Variants in FABP12 observed in about 807,000 individuals in gnomAD.
FABP12 encodes fatty acid-binding protein 12.
In FABP12, 19 loss-of-function variants were observed where a neutral mutation model predicts 13.7. The ratio of observed to expected loss-of-function variants is 1.39; its 90% CI spans 0.97 to 2.04. FABP12 has a LOEUF of 2.04. FABP12 is among the 30% of genes most tolerant of loss of function. FABP12 has a pLI of 0.00. For missense variants in FABP12, 182 were observed against 164.2 expected, an observed-to-expected ratio of 1.11 and a Z score of -0.59; for synonymous variants, 61 against 57.0, an observed-to-expected ratio of 1.07 and a Z score of -0.32.
intron 1 of FABP12, among the ~76,000 whole-genome samples, chr8:81,556,787 CAT>C (rs774655098): frequency 1.4e-5 from 2 of 144,930 alleles, no homozygotes; most frequent in South Asian, 4.3e-4. Flanking sequence ...TTATTTTATA[CAT>C]ATATATATGG....
At chr8:81,537,665 C>G (rs188583496), upstream of FABP12, among the ~76,000 whole-genome samples, 2 of 152,280 alleles carry the variant, frequency 1.3e-5, no homozygotes, top group East Asian at 3.9e-4. Context: ...ACTGGGTCAT[C>G]TCTTAGTATT....
intron 1 of FABP12, among the ~76,000 whole-genome samples, chr8:81,566,658 C>A (rs190952240): frequency 6.6e-6 from 1 of 152,004 alleles, no homozygotes; most frequent in East Asian, 1.9e-4. Context: ...TGGAAAATAT[C>A]TCAACACACT....
rs535737231 is a variant in FABP12 at position 81,527,120 on chromosome 8, C to G, written c.248G>C (p.Ser83Thr). ...GGACTCCTTATCTAAGGTTACTTTA[C>G]TCTGAAAAACAGAAAAAACTAAATT... The change falls in exon 4 of 5, where the codon AGT becomes ACT. Residue 83 changes from serine (S) to threonine (T), a missense_variant and splice_region_variant. By Grantham distance (58) the Ser-to-Thr change is moderately conservative. Coordinates refer to ENST00000360464, the Ensembl canonical transcript of FABP12. 1.9e-6 allele frequency: 3 copies of G among 1,576,460 alleles called. No homozygotes were observed. In the African/African-American group the frequency reaches 4.1e-5, roughly 21 times the overall value.
intron 2 of FABP12, 93 bp from the exon 3 acceptor site, chr8:81,529,703 C>CA (rs1212696342): frequency 8.9e-7 from 1 of 1,128,858 alleles, no homozygotes; most frequent in African/African-American, 1.6e-5. Context: ...TTGTTGACTC[C>CA]AAAAACTCAA....
chr8:81,567,433 A>C (rs1044523847), intron 1 of FABP12, among the ~76,000 whole-genome samples: 8 of 152,230 alleles, frequency 5.3e-5, no homozygotes, highest in Non-Finnish European at 1.2e-4. Context: ...TGGTAACCAA[A>C]ACAGATGGCA....
chr8:81,530,742 G>A (rs1287266006), intron 2 of FABP12, among the ~76,000 whole-genome samples: 1 of 152,150 alleles, frequency 6.6e-6, no homozygotes, highest in Non-Finnish European at 1.5e-5. Context: ...GATTATCAGA[G>A]CAGATCTCAA....
intron 4 of FABP12, chr8:81,526,099 T>C (rs933714193): frequency 6.6e-6 from 1 of 152,212 alleles, no homozygotes; most frequent in Non-Finnish European, 1.5e-5. Flanking sequence ...TCATCCTTAG[T>C]CTTCCCCTTG....
chr8:81,574,106 T>A (rs1316657837), intron 1 of FABP12, among the ~76,000 whole-genome samples: 2 of 152,322 alleles, frequency 1.3e-5, no homozygotes, highest in East Asian at 3.9e-4. Context: ...AGATGGCTTT[T>A]ATTACATTGA....
At position 81,528,227 on chromosome 8, in the gene FABP12, G is replaced by A. The variant is rs527848769; in HGVS notation, c.247-1106C>T. Among the ~76,000 whole-genome samples, 30 of 152,010 alleles carry A rather than the reference G, an allele frequency of 2.0e-4. 3 individuals are homozygous for A. The highest frequency in any genetic ancestry group is 5.8e-4 in the East Asian group (3 of 5,158). On this transcript the variant is annotated intron_variant, in intron 3 of 4. Transcript: ENST00000360464. Reference sequence around the variant, plus strand: ...CCTGAGTAGCTGGAACTATAGGCACGCACCACCACAGTGGCTAATCTTTGT... The same window carrying A: ...CCTGAGTAGCTGGAACTATAGGCACACACCACCACAGTGGCTAATCTTTGT...
intron 1 of FABP12, among the ~76,000 whole-genome samples, chr8:81,553,171 T>C (rs1312353040): frequency 6.6e-6 from 1 of 152,216 alleles, no homozygotes; most frequent in Non-Finnish European, 1.5e-5. Context: ...AAGGGATTTC[T>C]CTCTTTCTCC....
chr8:81,556,989 C>T (rs1809632050), intron 1 of FABP12, among the ~76,000 whole-genome samples: 1 of 150,648 alleles, frequency 6.6e-6, no homozygotes, highest in Non-Finnish European at 1.5e-5. Flanking sequence ...ATTCTCCTGC[C>T]TCAGCCTCTT....
chr8:81,554,221 G>A (rs1054564876), intron 1 of FABP12, among the ~76,000 whole-genome samples: 1 of 152,122 alleles, frequency 6.6e-6, no homozygotes, highest in Admixed American at 6.5e-5. Context: ...GGAGTGTTGG[G>A]TTATACAAAC....
At chr8:81,545,707 GA>G (rs769301294) in intron 1 of FABP12, among the ~76,000 whole-genome samples, 111 of 152,152 alleles carry the variant, frequency 7.3e-4, no homozygotes, top group African/African-American at 2.0e-3. Context: ...TAATTACTTC[GA>G]AAACTGGTTT....
At chr8:81,578,011 G>T (rs1358642801) in intron 1 of FABP12, among the ~76,000 whole-genome samples, 1 of 152,168 alleles carries the variant, frequency 6.6e-6, no homozygotes, top group Non-Finnish European at 1.5e-5. Context: ...ATAGACCCAT[G>T]GAAGGTTGAT....
At chr8:81,562,804 T>C (rs975561718) in intron 1 of FABP12, among the ~76,000 whole-genome samples, 3 of 152,206 alleles carry the variant, frequency 2.0e-5, no homozygotes, top group African/African-American at 7.2e-5. Flanking sequence ...AGGCCCTGGA[T>C]TCTAGATGGC....
chr8:81,577,215 A>T (rs1359718699), intron 1 of FABP12, among the ~76,000 whole-genome samples: 1 of 152,232 alleles, frequency 6.6e-6, no homozygotes, highest in African/African-American at 2.4e-5. Context: ...TACCTGTGGC[A>T]CACAGCACAC....
chr8:81,570,406 G>C (rs1233620354), intron 1 of FABP12, among the ~76,000 whole-genome samples: 1 of 152,236 alleles, frequency 6.6e-6, no homozygotes, highest in Non-Finnish European at 1.5e-5. Flanking sequence ...ATGCAGACAC[G>C]TGAAGGGTGA....
At chr8:81,547,755 A>C (rs966858624) in intron 1 of FABP12, among the ~76,000 whole-genome samples, 2 of 152,240 alleles carry the variant, frequency 1.3e-5, no homozygotes, top group African/African-American at 4.8e-5. Flanking sequence ...CCAGTGTCAG[A>C]AATAGGATGA....
intron 1 of FABP12, among the ~76,000 whole-genome samples, chr8:81,544,793 A>G (rs1041246821): frequency 2.0e-5 from 3 of 152,224 alleles, no homozygotes. Context: ...GAAGTATGTA[A>G]TCAAAATAAC....
Sources: allele counts gnomAD v4.1 joint callset (sites outside exome capture counted in the v4.1 genomes callset), GRCh38; gene constraint gnomAD v4.1.1; transcripts MANE v1.5; gene names NCBI Gene and HGNC (gene_info 2026-07-23, HGNC 2026-07-21).